EP300: variants seen among roughly 807,000 people sequenced by gnomAD.
EP300 encodes histone acetyltransferase p300.
EP300 carries 31 observed loss-of-function variants against 264.0 expected under a neutral mutation model. The observed-to-expected ratio is 0.12, with a 90% CI of 0.09 to 0.16. EP300 has a LOEUF of 0.16. EP300 is among the 10% of genes least tolerant of loss of function. The pLI is 1.00. For missense variants in EP300, 2,766 were observed against 3,052.9 expected (o/e 0.91, Z 2.21); for synonymous variants, 1,340 against 1,045.4 (o/e 1.28, Z -5.44).
rs2059157360 is a variant in EP300, at chr22:41,169,375, G to A, written c.4173-128G>A. 2.5e-5 allele frequency: 18 copies of A among 714,714 alleles called. No homozygotes were observed. In the South Asian group the frequency reaches 2.7e-4, roughly 11 times the overall value. The allele number at this position is 714,714 out of a possible 1,614,324, so 44.3% of individuals were successfully genotyped here. On this transcript the variant is annotated intron_variant, in intron 25 of 30. Coordinates refer to ENST00000263253, the MANE Select transcript of EP300 (RefSeq NM_001429.4). ...GGAGTCGCCTACCTGCCTGTGATGA[G>A]CTTCACAAATAACGATGTGAGCAAA... is the stretch of plus-strand genomic sequence containing the variant.
intron 1 of EP300, among the ~76,000 whole-genome samples, chr22:41,105,589 G>T (rs1353764756): frequency 4.0e-5 from 6 of 151,876 alleles, no homozygotes; most frequent in African/African-American, 1.2e-4. Context: ...AGTAGAGATG[G>T]GGTTTCACTA....
intron 18 of EP300, among the ~76,000 whole-genome samples, chr22:41,158,159 GC>G (rs2059088003): frequency 1.3e-5 from 2 of 152,214 alleles, no homozygotes; most frequent in Admixed American, 6.5e-5. Flanking sequence ...GCAGGCATGT[GC>G]CACCCTGCCC....
chr22:41,175,175 A>C (rs991585360), intron 29 of EP300, among the ~76,000 whole-genome samples: 1 of 152,210 alleles, frequency 6.6e-6, no homozygotes, highest in Non-Finnish European at 1.5e-5. Flanking sequence ...TTTGACTTAA[A>C]TTGTGGACAC....
intron 1 of EP300, among the ~76,000 whole-genome samples, chr22:41,100,280 A>G (rs1226735596): frequency 1.3e-5 from 2 of 152,180 alleles, no homozygotes; most frequent in Non-Finnish European, 2.9e-5. Context: ...TTTTCTTTGT[A>G]ATATTTTTGT....
chr22:41,131,111 C>CCAAAGCA (rs2058916507), intron 5 of EP300, among the ~76,000 whole-genome samples: 1 of 152,088 alleles, frequency 6.6e-6, no homozygotes, highest in Non-Finnish European at 1.5e-5. Flanking sequence ...TTGAATGGCT[C>CCAAAGCA]CAAAGCATTC....
intron 27 of EP300, among the ~76,000 whole-genome samples, chr22:41,171,208 T>TTGAA (rs2059168887): frequency 6.6e-6 from 1 of 151,896 alleles, no homozygotes; most frequent in Admixed American, 6.6e-5. Context: ...CAGGCTGGAC[T>TTGAA]TGAACTCTTG....
intron 23 of EP300, among the ~76,000 whole-genome samples, chr22:41,167,967 G>A (rs956148893): frequency 3.1e-4 from 46 of 149,942 alleles, no homozygotes; most frequent in African/African-American, 1.1e-3. Context: ...AATTACAGGC[G>A]TGCACCACCA....
At chr22:41,157,051 A>G (rs2059081257) in intron 17 of EP300, 118 bp from the exon 18 acceptor site, 2 of 1,263,602 alleles carry the variant, frequency 1.6e-6, no homozygotes, top group Middle Eastern at 2.3e-4. Context: ...CTTGGGGAAT[A>G]TAGACAGGCC....
intron 1 of EP300, among the ~76,000 whole-genome samples, chr22:41,095,625 C>G (rs532710346): frequency 1.1e-3 from 169 of 151,840 alleles, no homozygotes; most frequent in African/African-American, 4.0e-3. Flanking sequence ...CCTCTTAAAA[C>G]TTTTAAGTTT....
chr22:41,150,283 G>A, intron 14 of EP300, 85 bp downstream of exon 14: 1 of 1,427,758 alleles, frequency 7.0e-7, no homozygotes, highest in Non-Finnish European at 9.5e-7. Context: ...ATTCTCTTTT[G>A]CTTTATCTCT....
At chr22:41,095,867 A>G (rs1437521497) in intron 1 of EP300, among the ~76,000 whole-genome samples, 5 of 152,274 alleles carry the variant, frequency 3.3e-5, no homozygotes, top group Non-Finnish European at 7.3e-5. Flanking sequence ...CTGGAATCCA[A>G]TGGGATGACA....
intron 13 of EP300, among the ~76,000 whole-genome samples, chr22:41,149,551 T>C (rs1207883857): frequency 6.6e-6 from 1 of 152,192 alleles, no homozygotes; most frequent in Non-Finnish European, 1.5e-5. Flanking sequence ...TTCTGCTGAA[T>C]GGTTTGAAGT....
intron 2 of EP300, among the ~76,000 whole-genome samples, chr22:41,125,357 A>T (rs1428757229): frequency 1.3e-5 from 2 of 150,996 alleles, no homozygotes; most frequent in African/African-American, 4.9e-5. Flanking sequence ...TGACCTCATG[A>T]TCCTCCCGCT....
intron 22 of EP300, among the ~76,000 whole-genome samples, chr22:41,164,399 T>A (rs1480618008): frequency 6.6e-6 from 1 of 152,272 alleles, no homozygotes; most frequent in East Asian, 1.9e-4. Context: ...AATTATATTG[T>A]AGTTATTACA....
rs1301628391 is a variant in EP300 at position 41,119,192 on chromosome 22, T to A, written c.729+1371T>A. On this transcript the variant is annotated intron_variant, in intron 2 of 30. Coordinates refer to ENST00000263253, the MANE Select transcript of EP300 (RefSeq NM_001429.4). ...TTATTATTATTTTTTTTTTTTTTTTTTTTTTTTTTAAGAGATGGGGTCTCA... is the reference window on the plus strand; with the variant it reads ...TTATTATTATTTTTTTTTTTTTTTTATTTTTTTTTAAGAGATGGGGTCTCA... 4.2e-3 allele frequency among the ~76,000 whole-genome samples: 609 copies of A among 144,850 alleles called. 11 individuals carry two copies. Among genetic ancestry groups the A allele is most frequent in the African/African-American group, 0.015 (580 of 39,320 alleles).
chr22:41,145,541 T>C (rs550080709), intron 10 of EP300, among the ~76,000 whole-genome samples: 1 of 152,344 alleles, frequency 6.6e-6, no homozygotes, highest in South Asian at 2.1e-4. Flanking sequence ...TGTAAAAATA[T>C]TTTCTCTGTG....
intron 18 of EP300, 104 bp downstream of exon 18, chr22:41,157,512 CTTTTTT>C (rs1214250106): frequency 1.3e-4 from 59 of 444,290 alleles, no homozygotes; most frequent in East Asian, 3.2e-4. Flanking sequence ...TTTGACATGG[CTTTTTT>C]TTTTTTTTTT....
Position 41,179,858 on chromosome 22 carries a change from T to A in EP300, c.*902T>A, listed in dbSNP as rs1179724379. On this transcript the variant is annotated 3_prime_UTR_variant, in exon 31 of 31. Coordinates refer to ENST00000263253, the MANE Select transcript of EP300 (RefSeq NM_001429.4). Reference sequence around the variant, plus strand: ...GGGGTTTCTTCTTTGCTTGCTTTCTTCCTCCTTACCCTACCCCCCACTCAC... The same window carrying A: ...GGGGTTTCTTCTTTGCTTGCTTTCTACCTCCTTACCCTACCCCCCACTCAC... 1 of 223,464 alleles carries A rather than the reference T, an allele frequency of 4.5e-6. No homozygotes were observed. The highest frequency in any genetic ancestry group is 2.3e-5 in the African/African-American group (1 of 43,068). The allele number at this position is 223,464 out of a possible 1,614,324, so 13.8% of individuals were successfully genotyped here. A position where few individuals can be genotyped will look rare whatever the true frequency, so the allele number is the denominator to read the frequency against.
At chr22:41,138,704 G>A (rs2058965767) in intron 8 of EP300, among the ~76,000 whole-genome samples, 1 of 152,142 alleles carries the variant, frequency 6.6e-6, no homozygotes, top group Non-Finnish European at 1.5e-5. Flanking sequence ...GCCAATTACA[G>A]AGTTTACCCT....
Sources: gnomAD v4.1 joint callset for allele counts (sites outside exome capture counted in the v4.1 genomes callset) on GRCh38, gnomAD v4.1.1 for gene constraint, MANE v1.5 for transcripts, NCBI Gene and HGNC (gene_info 2026-07-23, HGNC 2026-07-21) for gene names.